ATRX: variants seen among roughly 807,000 people sequenced by gnomAD.
ATRX encodes ATRX chromatin remodeler, also known as chromatin remodeler ATRX.
In ATRX, 12 loss-of-function variants were observed where a neutral mutation model predicts 172.6. The observed-to-expected ratio is 0.07, with a 90% confidence interval of 0.04 to 0.11. The LOEUF (loss-of-function observed/expected upper bound fraction) is 0.11. ATRX is among the 10% of genes least tolerant of loss of function. The probability of loss-of-function intolerance (pLI) is 1.00; values close to 1 mark genes in which losing one functional copy is unlikely to be tolerated. For synonymous variants in ATRX, 674 were observed against 594.7 expected (o/e 1.13, Z -1.94); for missense variants, 1,368 against 1,767.4 (o/e 0.77, Z 4.05).
intron 3 of ATRX, 86 bp downstream of exon 3, chrX:77,698,488 C>T (rs1416921344): frequency 5.0e-5 from 43 of 854,417 alleles, no homozygotes; most frequent in Non-Finnish European, 7.3e-5. Context: ...GCCTTCGACA[C>T]ATACATGTGT....
chrX:77,765,043 T>G (rs781855519), intron 1 of ATRX, among the ~76,000 whole-genome samples: 1 of 110,679 alleles, frequency 9.0e-6, no homozygotes. Context: ...GGTGGGTGCC[T>G]GTAATCCCAG....
In ATRX at chrX:77,765,089, C is replaced by T. The variant is rs1041323498; in HGVS notation, c.20+20893G>A. 7.2e-5 allele frequency among the ~76,000 whole-genome samples: 8 copies of T among 111,095 alleles called. No individual in the cohort carries two copies. The East Asian group carries it at 2.3e-3, about 31-fold the overall frequency. ...GGCTGAGGCAGGAGAATTGCTTTAA[C>T]CCAGGAGGTGGAGGTTGCAGTGAGC... On this transcript the variant is annotated intron_variant, in intron 1 of 34. Transcript: ENST00000373344.
chrX:77,505,875 G>A lies in ATRX; in HGVS notation c.*2476C>T. On this transcript the variant is annotated 3_prime_UTR_variant, in exon 35 of 35. Transcript: ENST00000373344. ...TATATATTACAAAACAGCCTTAAAG[G>A]AAGAAGTGACATCTTTTCTACAGTA... The A allele has an allele frequency of 5.9e-6, 1 of 169,745 alleles. No homozygotes were observed. The highest frequency in any genetic ancestry group is 1.1e-5 in the Non-Finnish European group (1 of 87,885). 14.0% of individuals were successfully genotyped at this position (169,745 alleles called of 1,213,427 possible). A position where few individuals can be genotyped will look rare whatever the true frequency, so the allele number is the denominator to read the frequency against.
chrX:77,656,293 C>A (rs2069547126), intron 13 of ATRX, among the ~76,000 whole-genome samples: 1 of 111,507 alleles, frequency 9.0e-6, no homozygotes, highest in South Asian at 3.7e-4. Context: ...TTACTATTAT[C>A]CTACAATTTC....
At position 77,768,513 on chromosome X, in the gene ATRX, T is replaced by A. The variant is rs1350707753; in HGVS notation, c.20+17469A>T. On this transcript the variant is annotated intron_variant, in intron 1 of 34. Transcript: ENST00000373344. ...AGAAATTATCCTTTTATTTTCTATT[T>A]ATTTATTCAACTGATTTTTTAAAAT... 7.1e-5 allele frequency among the ~76,000 whole-genome samples: 8 copies of A among 112,341 alleles called. No homozygotes were observed. In the Admixed American group the frequency reaches 7.6e-4, roughly 11 times the overall value.
chrX:77,523,142 TA>T, intron 31 of ATRX, 109 bp downstream of exon 31: 1 of 1,034,826 alleles, frequency 9.7e-7, no homozygotes, highest in African/African-American at 1.9e-5. Flanking sequence ...AATGTGTTCC[TA>T]AAACCCACTA....
chrX:77,725,638 C>A (rs185765839), intron 1 of ATRX, among the ~76,000 whole-genome samples: 1,153 of 111,395 alleles, frequency 0.01, 18 homozygotes, highest in African/African-American at 0.036. Context: ...TAATTAAACT[C>A]AAGAGCTTCT....
intron 13 of ATRX, among the ~76,000 whole-genome samples, chrX:77,655,940 T>TGTA (rs782193429): frequency 9.0e-6 from 1 of 110,991 alleles, no homozygotes; most frequent in Admixed American, 9.7e-5. Flanking sequence ...ATAAGAAAAT[T>TGTA]GTAGTAGTAG....
At chrX:77,775,715 CTTTATTTA>C (rs112567888) in intron 1 of ATRX, among the ~76,000 whole-genome samples, 24 of 100,328 alleles carry the variant, frequency 2.4e-4, no homozygotes, top group East Asian at 6.5e-4. Context: ...AACAATAATT[CTTTATTTA>C]TTTATTTATT....
intron 1 of ATRX, among the ~76,000 whole-genome samples, chrX:77,737,210 G>A (rs1246110482): frequency 9.1e-6 from 1 of 110,434 alleles, no homozygotes; most frequent in Non-Finnish European, 1.9e-5. Context: ...GAACCACGCG[G>A]TCAGGAGTTC....
intron 19 of ATRX, among the ~76,000 whole-genome samples, chrX:77,624,227 C>T (rs1253398638): frequency 9.0e-6 from 1 of 110,780 alleles, no homozygotes; most frequent in African/African-American, 3.3e-5. Flanking sequence ...ATTAGCTGGG[C>T]GTGGTGGCCG....
chrX:77,568,462 TG>T (rs782079154), intron 28 of ATRX, among the ~76,000 whole-genome samples: 3 of 111,935 alleles, frequency 2.7e-5, no homozygotes, highest in Non-Finnish European at 5.6e-5. Context: ...CTAAAACTAC[TG>T]AGGAAATTTA....
intron 30 of ATRX, among the ~76,000 whole-genome samples, chrX:77,530,779 T>C (rs1186704324): frequency 9.3e-6 from 1 of 107,912 alleles, no homozygotes; most frequent in Non-Finnish European, 1.9e-5. Context: ...AACAGAGACA[T>C]GGAAAACCCC....
chrX:77,744,229 A>G (rs2074982119), intron 1 of ATRX, among the ~76,000 whole-genome samples: 1 of 112,254 alleles, frequency 8.9e-6, no homozygotes. Flanking sequence ...AGGCAGAAGG[A>G]TCACTTATGC....
intron 12 of ATRX, among the ~76,000 whole-genome samples, chrX:77,659,393 A>C (rs1013965771): frequency 9.1e-6 from 1 of 109,741 alleles, no homozygotes; most frequent in Non-Finnish European, 1.9e-5. Context: ...AAAAATTTGA[A>C]AGAATTATTG....
At chrX:77,530,513 G>A (rs2063539147) in intron 30 of ATRX, among the ~76,000 whole-genome samples, 1 of 111,356 alleles carries the variant, frequency 9.0e-6, no homozygotes, top group Non-Finnish European at 1.9e-5. Flanking sequence ...GGAGGCTGAG[G>A]CAGGAGAATC....
At chrX:77,687,756 T>C (rs1287371155) in intron 7 of ATRX, among the ~76,000 whole-genome samples, 3 of 112,107 alleles carry the variant, frequency 2.7e-5, no homozygotes, top group Non-Finnish European at 1.9e-5. Flanking sequence ...AAAGTACAGT[T>C]CATTTAAGCA....
chrX:77,763,616 G>A (rs1234620224), intron 1 of ATRX, among the ~76,000 whole-genome samples: 2 of 107,001 alleles, frequency 1.9e-5, no homozygotes, highest in Admixed American at 1.0e-4. Flanking sequence ...GATTACAGGC[G>A]CCCACCACCA....
chrX:77,737,969 T>C (rs782023587), intron 1 of ATRX, among the ~76,000 whole-genome samples: 1 of 111,658 alleles, frequency 9.0e-6, no homozygotes, highest in African/African-American at 3.3e-5. Flanking sequence ...TTAAAACTTA[T>C]AAGAACCTTA....
Sources: gnomAD v4.1 joint callset for allele counts (sites outside exome capture counted in the v4.1 genomes callset) on GRCh38, gnomAD v4.1.1 for gene constraint, MANE v1.5 for transcripts, NCBI Gene and HGNC (gene_info 2026-07-23, HGNC 2026-07-21) for gene names.